The following BRDT variants were observed in gnomAD, a reference collection of about 807,000 sequenced individuals.
The protein encoded by BRDT is bromodomain testis associated.
BRDT carries 77 observed loss-of-function variants against 113.9 expected under a neutral mutation model. That is an observed-to-expected ratio of 0.68 (90% CI 0.56 to 0.82). The LOEUF (loss-of-function observed/expected upper bound fraction) is 0.82, where lower values mean the gene tolerates loss of function less well. Among genes scored for constraint, BRDT ranks in the 40% least tolerant of loss-of-function variants. The pLI, the probability that BRDT is intolerant of heterozygous loss-of-function variation, is 0.00. For synonymous variants in BRDT, 358 were observed against 366.5 expected (o/e 0.98, Z 0.26); for missense variants, 1,027 against 1,105.4 (o/e 0.93, Z 1.01).
At chr1:91,982,570 A>G (rs79303785) in intron 12 of BRDT, among the ~76,000 whole-genome samples, 10,174 of 152,214 alleles carry the variant, frequency 0.067, 404 homozygotes, top group African/African-American at 0.096. Flanking sequence ...TTCTCTTTTT[A>G]AAGAAACATC....
intron 1 of BRDT, among the ~76,000 whole-genome samples, chr1:91,951,757 G>C (rs1681111629): frequency 6.6e-6 from 1 of 151,972 alleles, no homozygotes; most frequent in Non-Finnish European, 1.5e-5. Flanking sequence ...CTGGGCGACA[G>C]AGTGAGACTC....
At chr1:92,003,959 C>A (rs1221107305) in intron 16 of BRDT, among the ~76,000 whole-genome samples, 1 of 151,976 alleles carries the variant, frequency 6.6e-6, no homozygotes, top group African/African-American at 2.4e-5. Flanking sequence ...TCTTCTTAAC[C>A]ACCAAAAGGA....
chr1:91,981,447 A>G (rs10875104), intron 11 of BRDT, 66 bp downstream of exon 11: 1,261,151 of 1,510,506 alleles, frequency 0.83, 529,922 homozygotes, highest in Non-Finnish European at 0.85. Flanking sequence ...GTCTTGTGAT[A>G]TTGCCCAGGC....
At chr1:92,006,890 C>T (rs1042755538) in intron 18 of BRDT, among the ~76,000 whole-genome samples, 3 of 152,040 alleles carry the variant, frequency 2.0e-5, no homozygotes, top group East Asian at 1.9e-4. Context: ...TGGGTTCAAG[C>T]GATTCTCATG....
intron 18 of BRDT, among the ~76,000 whole-genome samples, chr1:92,012,238 A>G (rs1372413835): frequency 6.6e-6 from 1 of 151,778 alleles, no homozygotes; most frequent in African/African-American, 2.4e-5. Context: ...CAGAGGTTAC[A>G]GTGAGCCGAG....
At chr1:91,978,827 C>T (rs1426502317) in intron 7 of BRDT, among the ~76,000 whole-genome samples, 1 of 151,664 alleles carries the variant, frequency 6.6e-6, no homozygotes, top group Non-Finnish European at 1.5e-5. Context: ...GATGAAACCC[C>T]GTCTCTACTA....
intron 4 of BRDT, among the ~76,000 whole-genome samples, chr1:91,969,367 C>A (rs1683391978): frequency 1.4e-5 from 2 of 147,736 alleles, no homozygotes. Context: ...TTTATTGGTA[C>A]TAATATATAC....
chr1:91,999,235 A>G lies in BRDT; in HGVS notation c.2288-2814A>G, dbSNP rs189889442. 1.8e-3 allele frequency among the ~76,000 whole-genome samples: 278 copies of G among 152,304 alleles called. 1 individual carries two copies. Among genetic ancestry groups the G allele is most frequent in the African/African-American group, 6.3e-3 (261 of 41,562 alleles). On this transcript the variant is annotated intron_variant, in intron 15 of 18. Transcript: ENST00000399546. The stretch of plus-strand genomic sequence containing the variant: ...TGAAAACATGCTGGGTTAATAACCC[A>G]GGGATATAAGCTTCGGTGGCTCACA...
chr1:91,954,595 A>C (rs1264677022), intron 1 of BRDT, among the ~76,000 whole-genome samples: 1 of 152,142 alleles, frequency 6.6e-6, no homozygotes, highest in Admixed American at 6.6e-5. Context: ...TTCTAGAGAT[A>C]TATCCACAGG....
intron 1 of BRDT, among the ~76,000 whole-genome samples, chr1:91,956,541 C>A (rs913230295): frequency 6.6e-6 from 1 of 152,090 alleles, no homozygotes. Context: ...GTTTTTAATT[C>A]TATTAAGTTT....
At chr1:91,976,461 A>G in intron 5 of BRDT, 23 bp downstream of exon 5, 18 of 1,510,776 alleles carry the variant, frequency 1.2e-5, no homozygotes, top group Non-Finnish European at 1.6e-5. Context: ...TAGTTTTTAA[A>G]TCATTGCTTT....
chr1:92,009,899 C>T (rs1287462135), intron 18 of BRDT, among the ~76,000 whole-genome samples: 1 of 151,892 alleles, frequency 6.6e-6, no homozygotes, highest in Non-Finnish European at 1.5e-5. Context: ...GACACTTTTG[C>T]TGAATTTAGA....
chr1:91,993,651 G>T (rs1009203587), intron 14 of BRDT, among the ~76,000 whole-genome samples: 1 of 152,112 alleles, frequency 6.6e-6, no homozygotes, highest in Non-Finnish European at 1.5e-5. Flanking sequence ...ATCCCCTTAT[G>T]TCTGTAATAC....
At chr1:91,964,026 C>G (rs1682790597) in intron 2 of BRDT, among the ~76,000 whole-genome samples, 1 of 151,956 alleles carries the variant, frequency 6.6e-6, no homozygotes, top group South Asian at 2.1e-4. Context: ...CATGTGCCAG[C>G]ACACCTGGCT....
intron 18 of BRDT, among the ~76,000 whole-genome samples, chr1:92,006,928 C>A (rs954778228): frequency 1.3e-5 from 2 of 152,098 alleles, no homozygotes; most frequent in African/African-American, 2.4e-5. Flanking sequence ...GCTGGGATTA[C>A]AGGCCCGTGC....
At position 91,980,795 on chromosome 1, in the gene BRDT, A is replaced by G; in HGVS notation, c.1440A>G (p.Leu480=). The G allele has an allele frequency of 6.3e-7, 1 of 1,598,560 alleles. No individual in the cohort carries two copies. Among genetic ancestry groups the G allele is most frequent in the Non-Finnish European group, 8.5e-7 (1 of 1,176,610 alleles). The change falls in exon 9 of 19, where the codon CTA becomes CTG. Residue 480 remains leucine (L), a synonymous_variant. Transcript: ENST00000399546. ...NPRKMCEQMR[L]KEKSKRNQPK... ...GAAAAATGTGTGAGCAAATGAGGCTAAAGGAAAAGTCCAAGAGAAAGTAAG... is the reference window on the plus strand; with the variant it reads ...GAAAAATGTGTGAGCAAATGAGGCTGAAGGAAAAGTCCAAGAGAAAGTAAG...
Position 92,005,075 on chromosome 1 carries a change from A to G in BRDT, c.2595-44A>G, listed in dbSNP as rs766316652. ...TTAATAACATTTTTGTAATACTTTT[A>G]AGGAACTTGAAACCTACTTTGAGCT... On this transcript the variant is annotated intron_variant, in intron 17 of 18. Transcript: ENST00000399546. 2.2e-6 allele frequency: 3 copies of G among 1,347,250 alleles called. No homozygotes were observed. The African/African-American group carries it at 4.5e-5, about 20-fold the overall frequency. 83.5% of individuals were successfully genotyped at this position (1,347,250 alleles called of 1,614,324 possible). A position where few individuals can be genotyped will look rare whatever the true frequency, so the allele number is the denominator to read the frequency against.
intron 1 of BRDT, among the ~76,000 whole-genome samples, chr1:91,956,836 A>C (rs1338773556): frequency 6.6e-6 from 1 of 152,172 alleles, no homozygotes; most frequent in Non-Finnish European, 1.5e-5. Context: ...CTACTCAGGA[A>C]ACTGAGGGAG....
chr1:91,979,116 CTT>C (rs77923577), intron 7 of BRDT, among the ~76,000 whole-genome samples: 13 of 138,336 alleles, frequency 9.4e-5, no homozygotes, highest in Middle Eastern at 3.7e-3. Context: ...AAGCATGAGT[CTT>C]TTTTTTTTTT....
Sources: gnomAD v4.1 joint callset for allele counts (sites outside exome capture counted in the v4.1 genomes callset) on GRCh38, gnomAD v4.1.1 for gene constraint, MANE v1.5 for transcripts, NCBI Gene and HGNC (gene_info 2026-07-23, HGNC 2026-07-21) for gene names.